Variants in HECW2 observed in about 807,000 individuals in gnomAD.
The protein encoded by HECW2 is HECT, C2 and WW domain containing E3 ubiquitin protein ligase 2.
HECW2 carries 61 observed loss-of-function variants against 175.2 expected under a neutral mutation model. The observed-to-expected ratio is 0.35, with a 90% CI of 0.28 to 0.43. The LOEUF (loss-of-function observed/expected upper bound fraction) is 0.43, where lower values mean the gene tolerates loss of function less well. Among genes scored for constraint, HECW2 ranks in the 20% least tolerant of loss-of-function variants. The probability of loss-of-function intolerance (pLI) is 1.00; values close to 1 mark genes in which losing one functional copy is unlikely to be tolerated. For missense variants in HECW2, 1,524 were observed against 2,000.5 expected, an observed-to-expected ratio of 0.76 and a Z score of 4.54; for synonymous variants, 671 against 731.0, an observed-to-expected ratio of 0.92 and a Z score of 1.32.
At chr2:196,417,148 A>G (rs558177310) in intron 2 of HECW2, among the ~76,000 whole-genome samples, 2 of 152,364 alleles carry the variant, frequency 1.3e-5, no homozygotes, top group African/African-American at 4.8e-5. Flanking sequence ...ATTAATTTTA[A>G]TTCTAAATTT....
At chr2:196,505,114 T>A (rs1687712337) in intron 1 of HECW2, among the ~76,000 whole-genome samples, 1 of 152,192 alleles carries the variant, frequency 6.6e-6, no homozygotes, top group Non-Finnish European at 1.5e-5. Context: ...AAATAGGCTT[T>A]TAAGGACTTG....
At chr2:196,326,446 C>T (rs1692155091) in intron 5 of HECW2, among the ~76,000 whole-genome samples, 1 of 129,992 alleles carries the variant, frequency 7.7e-6, no homozygotes, top group East Asian at 2.1e-4. Flanking sequence ...AAACTAAGAG[C>T]AATTTTTTTT....
At chr2:196,214,157 A>G (rs1455816) in intron 28 of HECW2, among the ~76,000 whole-genome samples, 58,087 of 152,018 alleles carry the variant, frequency 0.38, 11,832 homozygotes, top group African/African-American at 0.53. Flanking sequence ...AATCCACCAG[A>G]TAGATGAGGA....
At chr2:196,386,304 G>A (rs150139919) in intron 2 of HECW2, among the ~76,000 whole-genome samples, 1 of 152,246 alleles carries the variant, frequency 6.6e-6, no homozygotes, top group East Asian at 1.9e-4. Context: ...GGGAAAGCTG[G>A]GGCTTGAGAG....
intron 8 of HECW2, 159 bp from the exon 9 acceptor site, chr2:196,320,063 A>T: frequency 4.0e-6 from 3 of 749,650 alleles, no homozygotes; most frequent in Non-Finnish European, 6.3e-6. Flanking sequence ...AAATGAGGAG[A>T]CTGCTAGTCA....
chr2:196,592,787 G>T (rs1179883829), intron 1 of HECW2: 1 of 151,664 alleles, frequency 6.6e-6, no homozygotes, highest in Non-Finnish European at 1.5e-5. Context: ...CTTTGCGCCC[G>T]TCGCCACAAG....
intron 1 of HECW2, among the ~76,000 whole-genome samples, chr2:196,439,784 C>G (rs79323320): frequency 1.3e-5 from 2 of 152,108 alleles, no homozygotes; most frequent in South Asian, 4.2e-4. Flanking sequence ...TCTCAGGAAA[C>G]GTAATCTGAG....
chr2:196,406,640 A>G (rs988781427), intron 2 of HECW2, among the ~76,000 whole-genome samples: 2 of 151,952 alleles, frequency 1.3e-5, no homozygotes, highest in East Asian at 1.9e-4. Flanking sequence ...TCTGACCCCA[A>G]CCTTCTTCTC....
At chr2:196,444,470 C>G (rs1319648903) in intron 1 of HECW2, among the ~76,000 whole-genome samples, 1 of 152,096 alleles carries the variant, frequency 6.6e-6, no homozygotes, top group Non-Finnish European at 1.5e-5. Context: ...CATTTTTAAC[C>G]CTTAATGCTT....
At chr2:196,220,741 T>A in intron 25 of HECW2, 54 bp downstream of exon 25, 1 of 1,557,412 alleles carries the variant, frequency 6.4e-7, no homozygotes, top group Non-Finnish European at 8.9e-7. Context: ...TAAGATGGAC[T>A]GTGGCATCAT....
intron 3 of HECW2, among the ~76,000 whole-genome samples, chr2:196,339,844 G>C (rs1030892839): frequency 1.3e-5 from 2 of 152,128 alleles, no homozygotes; most frequent in African/African-American, 4.8e-5. Flanking sequence ...GATGAAGCTG[G>C]CCCTCCTCTT....
intron 20 of HECW2, among the ~76,000 whole-genome samples, chr2:196,241,879 C>T (rs1186454954): frequency 6.6e-6 from 1 of 152,198 alleles, no homozygotes; most frequent in Non-Finnish European, 1.5e-5. Context: ...AGTGTCTTCA[C>T]TATTTGTTTT....
chr2:196,353,059 C>A (rs993629491), intron 2 of HECW2, among the ~76,000 whole-genome samples: 1 of 152,202 alleles, frequency 6.6e-6, no homozygotes, highest in African/African-American at 2.4e-5. Context: ...TTCCCACTCC[C>A]TCCAATTACA....
intron 17 of HECW2, among the ~76,000 whole-genome samples, chr2:196,268,315 T>C (rs1418840876): frequency 6.6e-6 from 1 of 152,196 alleles, no homozygotes; most frequent in Non-Finnish European, 1.5e-5. Flanking sequence ...GGAAATATAT[T>C]TCATAGCCTA....
intron 2 of HECW2, among the ~76,000 whole-genome samples, chr2:196,418,320 G>T (rs1251049516): frequency 1.3e-5 from 2 of 152,032 alleles, no homozygotes; most frequent in African/African-American, 4.8e-5. Context: ...AGAAGAGACG[G>T]GGTTTCACTG....
At chr2:196,276,458 T>C (rs1372547456) in intron 15 of HECW2, among the ~76,000 whole-genome samples, 1 of 152,202 alleles carries the variant, frequency 6.6e-6, no homozygotes, top group Non-Finnish European at 1.5e-5. Flanking sequence ...ATTAATCTCA[T>C]GCATGTTTTC....
chr2:196,450,411 C>T (rs1464227010), intron 1 of HECW2, among the ~76,000 whole-genome samples: 1 of 151,814 alleles, frequency 6.6e-6, no homozygotes, highest in Non-Finnish European at 1.5e-5. Context: ...TAACAGCAGA[C>T]AGCATGTTCA....
chr2:196,465,713 C>G (rs868708104), intron 1 of HECW2, among the ~76,000 whole-genome samples: 1 of 149,352 alleles, frequency 6.7e-6, no homozygotes, highest in Non-Finnish European at 1.5e-5. Context: ...AATACGTGGC[C>G]GTTCTGGACA....
At chr2:196,580,659 A>G (rs895626413) in intron 1 of HECW2, among the ~76,000 whole-genome samples, 4 of 151,914 alleles carry the variant, frequency 2.6e-5, no homozygotes, top group African/African-American at 9.7e-5. Context: ...AATGGCAAAA[A>G]AAAAAAAAAA....
Sources: allele counts gnomAD v4.1 joint callset (sites outside exome capture counted in the v4.1 genomes callset), GRCh38; gene constraint gnomAD v4.1.1; transcripts MANE v1.5; gene names NCBI Gene and HGNC (gene_info 2026-07-23, HGNC 2026-07-21).